Variants in ANK3 observed in about 807,000 individuals in gnomAD.
ANK3 encodes the protein ankyrin-3.
Under a neutral mutation model 370.9 loss-of-function variants are expected in ANK3, and 57 were observed. The ratio of observed to expected loss-of-function variants is 0.15; its 90% CI spans 0.12 to 0.19. The LOEUF (loss-of-function observed/expected upper bound fraction) is 0.19. ANK3 is among the 10% of genes least tolerant of loss of function. ANK3 has a pLI of 1.00. For synonymous variants in ANK3, 1,929 were observed against 1,946.3 expected (o/e 0.99, Z 0.23); for missense variants, 4,439 against 5,302.1 (o/e 0.84, Z 5.06).
At chr10:60,387,852 A>G (rs914477459) in intron 1 of ANK3, among the ~76,000 whole-genome samples, 2 of 152,210 alleles carry the variant, frequency 1.3e-5, no homozygotes, top group African/African-American at 2.4e-5. Flanking sequence ...ATCTGTCATC[A>G]CTGCTACCGA....
chr10:60,548,069 A>G (rs1223355728), intron 2 of ANK3, among the ~76,000 whole-genome samples: 1 of 152,204 alleles, frequency 6.6e-6, no homozygotes, highest in Admixed American at 6.5e-5. Context: ...CCAAAGAGGA[A>G]AATTTTCCAA....
At chr10:60,226,276 T>TATA (rs2097139434) in intron 8 of ANK3, among the ~76,000 whole-genome samples, 4 of 104,610 alleles carry the variant, frequency 3.8e-5, no homozygotes, top group East Asian at 5.9e-4. Flanking sequence ...ATATATACTA[T>TATA]GTATATATGC....
At chr10:60,244,540 A>G (rs923774629) in intron 7 of ANK3, among the ~76,000 whole-genome samples, 7 of 152,234 alleles carry the variant, frequency 4.6e-5, no homozygotes, top group African/African-American at 1.7e-4. Flanking sequence ...TTAAAAAATA[A>G]GTCGAAGTGG....
At chr10:60,486,642 C>T (rs111754174) in intron 2 of ANK3, among the ~76,000 whole-genome samples, 2,346 of 152,218 alleles carry the variant, frequency 0.015, 39 homozygotes, top group Middle Eastern at 0.027. Flanking sequence ...TTTATAAGCA[C>T]GTTTGAGTTC....
chr10:60,305,934 C>T (rs968876172), intron 1 of ANK3, among the ~76,000 whole-genome samples: 1 of 152,172 alleles, frequency 6.6e-6, no homozygotes, highest in African/African-American at 2.4e-5. Context: ...TTTTCCATCT[C>T]ATTTGATGAC....
At chr10:60,489,156 A>G (rs2075425959) in intron 2 of ANK3, among the ~76,000 whole-genome samples, 1 of 152,240 alleles carries the variant, frequency 6.6e-6, no homozygotes, top group Non-Finnish European at 1.5e-5. Flanking sequence ...ATAAACATGA[A>G]TAATAGTACT....
intron 1 of ANK3, among the ~76,000 whole-genome samples, chr10:60,618,055 T>C (rs1040278993): frequency 1.3e-5 from 2 of 152,152 alleles, no homozygotes; most frequent in African/African-American, 4.8e-5. Context: ...TTTTATGATA[T>C]TAAATTTTTT....
At chr10:60,730,504 C>A (rs1031665324) in intron 1 of ANK3, among the ~76,000 whole-genome samples, 6 of 152,110 alleles carry the variant, frequency 3.9e-5, no homozygotes, top group Non-Finnish European at 7.3e-5. Context: ...TCTTTTAATA[C>A]TTAAAACACA....
At position 60,073,530 on chromosome 10, in the gene ANK3, C is replaced by T. The variant is rs143060947; in HGVS notation, c.7351G>A (p.Asp2451Asn). Residue 2451 changes from aspartate (D) to asparagine (N), a missense_variant, in exon 37 of 44, where the codon GAT (aspartate) becomes AAT (asparagine). Around this residue, in one of 13 missense-constraint regions of ANK3, gnomAD observed 1,601 missense variants for 1,731.7 expected, o/e 0.92. Transcript: ENST00000280772. The part of the protein sequence containing the change: ...LSQHSIEYHD[D>N]ELSELRGESY... ...TCCCCTCTTAGTTCTGACAACTCAT[C>T]GTCATGGTATTCTATTGAGTGTTGA... The T allele has an allele frequency of 8.2e-5, 133 of 1,614,030 alleles. No homozygotes were observed. The highest frequency in any genetic ancestry group is 1.0e-4 in the Non-Finnish European group (123 of 1,179,980).
chr10:60,362,769 C>T (rs192819970), intron 1 of ANK3, among the ~76,000 whole-genome samples: 19 of 152,260 alleles, frequency 1.2e-4, no homozygotes, highest in Admixed American at 5.9e-4. Flanking sequence ...TCACTGAGCA[C>T]CATCTCTCAG....
intron 2 of ANK3, among the ~76,000 whole-genome samples, chr10:60,486,316 T>C (rs1201354810): frequency 6.6e-6 from 1 of 152,202 alleles, no homozygotes; most frequent in African/African-American, 2.4e-5. Flanking sequence ...CAATGGCTCA[T>C]GCCTGTAATC....
intron 2 of ANK3, among the ~76,000 whole-genome samples, chr10:60,536,306 C>A (rs1303220107): frequency 6.6e-6 from 1 of 151,996 alleles, no homozygotes; most frequent in Non-Finnish European, 1.5e-5. Flanking sequence ...CTTAGTTAAG[C>A]TTTGGAAAGC....
At chr10:60,035,884 T>C (rs547531910) in intron 43 of ANK3, among the ~76,000 whole-genome samples, 3 of 151,452 alleles carry the variant, frequency 2.0e-5, no homozygotes, top group African/African-American at 7.2e-5. Context: ...ATATTATATA[T>C]TTTTAAGAAA....
intron 2 of ANK3, among the ~76,000 whole-genome samples, chr10:60,571,055 G>GTTTTT (rs35835220): frequency 6.7e-5 from 9 of 133,538 alleles, no homozygotes; most frequent in South Asian, 2.4e-4. Flanking sequence ...AACCTGACAG[G>GTTTTT]TTTTTTTTTT....
At chr10:60,516,625 A>G (rs1251741147) in intron 2 of ANK3, among the ~76,000 whole-genome samples, 1 of 152,130 alleles carries the variant, frequency 6.6e-6, no homozygotes, top group Non-Finnish European at 1.5e-5. Context: ...AATGGAGGAA[A>G]AAAAAATTAG....
chr10:60,634,635 C>T lies in ANK3; in HGVS notation c.58-19411G>A, dbSNP rs191947932. On this transcript the variant is annotated intron_variant, in intron 1 of 43. Transcript: ENST00000373827. ...CCGGAGCCAGCAGCAGCAACCAGCTCGGGTCCCCTTCAACGCTGTGGAAGC... is the reference window on the plus strand; with the variant it reads ...CCGGAGCCAGCAGCAGCAACCAGCTTGGGTCCCCTTCAACGCTGTGGAAGC... Among the ~76,000 whole-genome samples, 26 of 152,194 alleles carry T rather than the reference C, an allele frequency of 1.7e-4. No individual in the cohort carries two copies. In the East Asian group the frequency reaches 4.6e-3, roughly 27 times the overall value.
chr10:60,044,134 C>T (rs2076569686), intron 42 of ANK3: 1 of 985,464 alleles, frequency 1.0e-6, no homozygotes, highest in East Asian at 1.1e-4. Flanking sequence ...TCCGAGTGAT[C>T]TGTAGGAAGT....
chr10:60,595,797 A>G (rs1422371307), intron 2 of ANK3, among the ~76,000 whole-genome samples: 1 of 152,230 alleles, frequency 6.6e-6, no homozygotes, highest in East Asian at 1.9e-4. Flanking sequence ...GGGTAGCTTG[A>G]TAATTAAAAG....
At chr10:60,491,107 A>C (rs978616496) in intron 2 of ANK3, among the ~76,000 whole-genome samples, 1 of 152,200 alleles carries the variant, frequency 6.6e-6, no homozygotes, top group African/African-American at 2.4e-5. Context: ...GCATGGTATC[A>C]GTTATTCATT....
Sources: allele counts gnomAD v4.1 joint callset (sites outside exome capture counted in the v4.1 genomes callset), GRCh38; gene constraint gnomAD v4.1.1; regional missense constraint gnomAD v4.1.1; transcripts MANE v1.5; gene names NCBI Gene and HGNC (gene_info 2026-07-23, HGNC 2026-07-21).